Variants in REV3L observed in about 807,000 individuals in gnomAD.
REV3L encodes the protein DNA polymerase zeta catalytic subunit.
A neutral mutation model predicts 299.4 loss-of-function variants in REV3L; 69 were observed. The observed-to-expected ratio is 0.23, with a 90% CI of 0.19 to 0.28. The LOEUF is 0.28. Among genes scored for constraint, REV3L ranks in the 10% least tolerant of loss-of-function variants. The probability of loss-of-function intolerance (pLI) is 1.00; values close to 1 mark genes in which losing one functional copy is unlikely to be tolerated. For missense variants in REV3L, 3,128 were observed against 3,693.8 expected (o/e 0.85, Z 3.97); for synonymous variants, 1,238 against 1,271.4 (o/e 0.97, Z 0.56).
At chr6:111,474,803 A>C (rs892256697) in intron 1 of REV3L, among the ~76,000 whole-genome samples, 2 of 152,176 alleles carry the variant, frequency 1.3e-5, no homozygotes, top group Non-Finnish European at 2.9e-5. Context: ...TAACTTAAAA[A>C]TATTAACTTT....
chr6:111,387,587 A>G (rs1366098396), intron 9 of REV3L, among the ~76,000 whole-genome samples, 178 bp downstream of exon 9: 2 of 152,228 alleles, frequency 1.3e-5, no homozygotes, highest in African/African-American at 4.8e-5. Context: ...CACTAACTTC[A>G]GGATACTGCT....
At chr6:111,464,254 G>C (rs1034635770) in intron 1 of REV3L, among the ~76,000 whole-genome samples, 1 of 152,256 alleles carries the variant, frequency 6.6e-6, no homozygotes, top group African/African-American at 2.4e-5. Context: ...TCATCTAAGT[G>C]GGTTGTATAC....
intron 21 of REV3L, among the ~76,000 whole-genome samples, chr6:111,342,159 C>T (rs1354743939): frequency 6.6e-6 from 1 of 152,108 alleles, no homozygotes; most frequent in African/African-American, 2.4e-5. Flanking sequence ...AGGCTTTGAA[C>T]TAAATAACAA....
intron 9 of REV3L, among the ~76,000 whole-genome samples, chr6:111,385,210 C>A (rs892196321): frequency 6.6e-6 from 1 of 151,590 alleles, no homozygotes; most frequent in African/African-American, 2.4e-5. Flanking sequence ...TGACTACAGT[C>A]AACAATAATC....
At chr6:111,307,940 C>T (rs1259660700) in intron 30 of REV3L, 2 of 278,844 alleles carry the variant, frequency 7.2e-6, no homozygotes, top group African/African-American at 4.5e-5. Flanking sequence ...CCCCCAGCTC[C>T]CCACCCCCCG....
In REV3L at chr6:111,411,546, TA is replaced by T; in HGVS notation, c.337del (p.Tyr113MetfsTer11). On this transcript the variant is annotated frameshift_variant, in exon 3 of 32. Transcript: ENST00000368802. LOFTEE classifies it high-confidence loss of function. ...GTGTCTTTCCTTCTCATGATAACCATAAAAAGGCCTGAAATATAAGAAAAAA... is the reference window on the plus strand; with the variant it reads ...GTGTCTTTCCTTCTCATGATAACCATAAAAGGCCTGAAATATAAGAAAAAA... ...KVSLVSGMPF[Y>X]GYHEKERHFM... 1.9e-6 allele frequency: 3 copies of T among 1,562,012 alleles called. No homozygotes were observed. Among genetic ancestry groups the T allele is most frequent in the Admixed American group, 1.8e-5 (1 of 56,424 alleles).
intron 14 of REV3L, 53 bp from the exon 15 acceptor site, chr6:111,365,397 G>C (rs1159978699): frequency 1.9e-6 from 2 of 1,078,000 alleles, no homozygotes; most frequent in African/African-American, 3.3e-5. Context: ...CCTGCTTCTG[G>C]TTTTTAAAAA....
intron 20 of REV3L, among the ~76,000 whole-genome samples, chr6:111,344,507 A>G (rs1776836144): frequency 6.6e-6 from 1 of 152,198 alleles, no homozygotes; most frequent in South Asian, 2.1e-4. Flanking sequence ...ATTAGTTACT[A>G]GACCCCACTA....
chr6:111,443,961 A>G (rs1788560926), intron 1 of REV3L, among the ~76,000 whole-genome samples: 1 of 152,256 alleles, frequency 6.6e-6, no homozygotes, highest in South Asian at 2.1e-4. Flanking sequence ...GAGGTCAAAG[A>G]GAACTGATTT....
chr6:111,430,040 G>C (rs528134082), intron 1 of REV3L, among the ~76,000 whole-genome samples: 1 of 152,076 alleles, frequency 6.6e-6, no homozygotes, highest in African/African-American at 2.4e-5. Flanking sequence ...GAGACAAGCA[G>C]GTTCCAGGGG....
At position 111,376,639 on chromosome 6, in the gene REV3L, A is replaced by G; in HGVS notation, c.1716T>C (p.Ser572=). 1 of 1,613,038 alleles carries G rather than the reference A, an allele frequency of 6.2e-7. No homozygotes were observed. The highest frequency in any genetic ancestry group is 1.1e-5 in the South Asian group (1 of 91,074). The change falls in exon 13 of 32, where the codon TCT becomes TCC. Residue 572 remains serine (S), a synonymous_variant. Transcript: ENST00000368802. ...GTTTACACTGAAAGGTAATCTTAGC[A>G]GAAGATGAGGGTTCTAATGTAGCAG... ...KDAATLEPSS[S]AKITFQCKHT... is the part of the protein sequence containing the mutation.
intron 18 of REV3L, chr6:111,356,788 C>G (rs1778136032): frequency 4.0e-6 from 1 of 251,870 alleles, no homozygotes; most frequent in Admixed American, 5.4e-5. Flanking sequence ...TCACTGGCCC[C>G]TCAATCTTGA....
intron 1 of REV3L, chr6:111,430,281 A>C: frequency 9.6e-7 from 1 of 1,043,942 alleles, no homozygotes; most frequent in South Asian, 1.3e-5. Context: ...CAGAGAAAAG[A>C]TCCAAGTGCT....
intron 1 of REV3L, among the ~76,000 whole-genome samples, chr6:111,469,536 T>TTG: frequency 1.3e-5 from 2 of 152,154 alleles, no homozygotes; most frequent in Non-Finnish European, 2.9e-5. Context: ...ACCCCTCCCA[T>TTG]ACCAACTCTG....
intron 1 of REV3L, among the ~76,000 whole-genome samples, chr6:111,458,583 G>A (rs1790412084): frequency 6.6e-6 from 1 of 152,082 alleles, no homozygotes; most frequent in South Asian, 2.1e-4. Flanking sequence ...CTTCAGTCAA[G>A]TTTTAGGATA....
In REV3L at chr6:111,373,470, A is replaced by G; in HGVS notation, c.4885T>C (p.Phe1629Leu). 1 of 1,613,434 alleles carries G rather than the reference A, an allele frequency of 6.2e-7. No homozygotes were observed. Among genetic ancestry groups the G allele is most frequent in the Non-Finnish European group, 8.5e-7 (1 of 1,179,824 alleles). Residue 1629 changes from phenylalanine (F) to leucine (L), a missense_variant, in exon 13 of 32, where the codon TTT becomes CTT. Around this residue, in one of 9 missense-constraint regions of REV3L, gnomAD observed 2,409 missense variants for 2,611.8 expected, o/e 0.92. Transcript: ENST00000368802. ...TCTTCAAGTGAGTAACAACTTTCAA[A>G]GCCTGGATCTGAAAAAAAGATGGGA... ...DSPIFFSDPG[F>L]ESCYSLEDSL...
intron 25 of REV3L, among the ~76,000 whole-genome samples, chr6:111,326,979 A>G (rs1774897467): frequency 6.6e-6 from 1 of 152,136 alleles, no homozygotes; most frequent in Non-Finnish European, 1.5e-5. Flanking sequence ...GGTCAAATGC[A>G]TGCTTGCAGT....
At chr6:111,460,633 T>C (rs1790654214) in intron 1 of REV3L, among the ~76,000 whole-genome samples, 2 of 152,054 alleles carry the variant, frequency 1.3e-5, no homozygotes, top group South Asian at 4.2e-4. Flanking sequence ...TTAAAAGTTC[T>C]TCAGGTAGAC....
rs1225028286 is a variant in REV3L at position 111,313,641 on chromosome 6, C to T, written c.8467-152G>A. The T allele has an allele frequency of 6.9e-5, 45 of 649,502 alleles. No homozygotes were observed. In the Admixed American group the frequency reaches 1.3e-3, roughly 19 times the overall value. 40.2% of individuals were successfully genotyped at this position (649,502 alleles called of 1,614,324 possible). A position where few individuals can be genotyped will look rare whatever the true frequency, so the allele number is the denominator to read the frequency against. ...GGCCCAACAAATTCATGATATAACA[C>T]GTGGGAGCAAAATGAATTGTCTTTA... On this transcript the variant is annotated intron_variant, in intron 27 of 31. Coordinates refer to ENST00000368802, the MANE Select transcript of REV3L (RefSeq NM_001372078.1).
Sources: allele counts gnomAD v4.1 joint callset (sites outside exome capture counted in the v4.1 genomes callset), GRCh38; gene constraint gnomAD v4.1.1; regional missense constraint gnomAD v4.1.1; transcripts MANE v1.5; gene names NCBI Gene and HGNC (gene_info 2026-07-23, HGNC 2026-07-21).